The following SPDYE10 variants were observed in gnomAD, a reference collection of about 807,000 sequenced individuals.
The protein encoded by SPDYE10 is speedy/RINGO cell cycle regulator family member E10.
At chr7:73,131,420 C>T in the SPDYE10 span, among the ~76,000 whole-genome samples, 1 of 150,638 alleles carries the variant, frequency 6.6e-6, no homozygotes, top group South Asian at 2.1e-4. Context: ...GTAGTTGAGA[C>T]AGTTCCTGTG....
At chr7:73,129,950 T>TCCTC in the SPDYE10 span, among the ~76,000 whole-genome samples, 3 of 148,896 alleles carry the variant, frequency 2.0e-5, no homozygotes, top group African/African-American at 7.5e-5. Context: ...ACTCAAGCAA[T>TCCTC]CCTCCCACCT....
the SPDYE10 span, among the ~76,000 whole-genome samples, chr7:73,154,074 A>C: frequency 9.1e-5 from 13 of 142,558 alleles, no homozygotes; most frequent in Admixed American, 7.5e-4. Context: ...TCAAAACCAG[A>C]CAGCCATGAA....
chr7:73,122,881 C>T, the SPDYE10 span, among the ~76,000 whole-genome samples: 1 of 151,738 alleles, frequency 6.6e-6, no homozygotes, highest in East Asian at 1.9e-4. Flanking sequence ...CAAGGGACTG[C>T]AAATCTGCTT....
chr7:73,147,274 TCTC>T, the SPDYE10 span, among the ~76,000 whole-genome samples: 1 of 107,012 alleles, frequency 9.3e-6, no homozygotes, highest in Non-Finnish European at 1.8e-5. Flanking sequence ...TTGAGGTGAT[TCTC>T]CTGCCTCAGC....
the SPDYE10 span, among the ~76,000 whole-genome samples, chr7:73,121,058 AC>A: frequency 1.2e-3 from 185 of 151,742 alleles, no homozygotes; most frequent in Admixed American, 2.0e-3. Flanking sequence ...CAGGTGATCC[AC>A]CCGCCTCAGC....
the SPDYE10 span, among the ~76,000 whole-genome samples, chr7:73,117,647 T>C: frequency 7.4e-6 from 1 of 135,128 alleles, no homozygotes; most frequent in South Asian, 2.6e-4. Context: ...GGGAGGACAG[T>C]TTGGAGCACA....
chr7:73,115,029 T>A, the SPDYE10 span, among the ~76,000 whole-genome samples: 2 of 152,096 alleles, frequency 1.3e-5, no homozygotes, highest in African/African-American at 4.8e-5. Flanking sequence ...CCCGAGTAGC[T>A]GGGATTACAG....
the SPDYE10 span, among the ~76,000 whole-genome samples, chr7:73,130,017 CT>C: frequency 3.9e-4 from 56 of 144,780 alleles, no homozygotes; most frequent in Non-Finnish European, 6.8e-4. Flanking sequence ...GCTGCTGCTT[CT>C]TTTTTTTTAG....
At chr7:73,116,983 C>T in the SPDYE10 span, among the ~76,000 whole-genome samples, 5 of 152,066 alleles carry the variant, frequency 3.3e-5, no homozygotes, top group South Asian at 8.3e-4. Flanking sequence ...ATAACCTCCA[C>T]CTCCCAGGTT....
the SPDYE10 span, among the ~76,000 whole-genome samples, chr7:73,139,720 G>A: frequency 2.1e-5 from 3 of 141,164 alleles, no homozygotes; most frequent in East Asian, 2.1e-4. Flanking sequence ...GCAGTGGCGC[G>A]ATCTCGGCTC....
chr7:73,115,222 C>G, the SPDYE10 span, among the ~76,000 whole-genome samples: 1 of 152,152 alleles, frequency 6.6e-6, no homozygotes, highest in Non-Finnish European at 1.5e-5. Flanking sequence ...GTTTGGTCAC[C>G]TGGTGCCTCT....
the SPDYE10 span, among the ~76,000 whole-genome samples, chr7:73,149,846 C>T: frequency 1.8e-5 from 2 of 111,226 alleles, no homozygotes; most frequent in African/African-American, 4.0e-5. Flanking sequence ...GCATTCTTTC[C>T]GAGAGGGCAA....
the SPDYE10 span, chr7:73,154,810 G>A: frequency 9.5e-6 from 2 of 210,144 alleles, no homozygotes; most frequent in Non-Finnish European, 2.0e-5. Flanking sequence ...GGCAGCAACA[G>A]CAGCAACAGC....
chr7:73,134,124 TG>T, the SPDYE10 span, among the ~76,000 whole-genome samples: 1 of 45,678 alleles, frequency 2.2e-5, no homozygotes, highest in Non-Finnish European at 4.0e-5. Context: ...AGCAAAGACT[TG>T]GAACCAACCC....
chr7:73,114,155 C>A, the SPDYE10 span, among the ~76,000 whole-genome samples: 1 of 133,242 alleles, frequency 7.5e-6, no homozygotes, highest in Non-Finnish European at 1.6e-5. Context: ...CGCGCCATCG[C>A]ACTCCAGCCT....
chr7:73,132,733 C>T, the SPDYE10 span, among the ~76,000 whole-genome samples: 10 of 151,448 alleles, frequency 6.6e-5, no homozygotes, highest in East Asian at 1.9e-4. Context: ...TTGAGAGTGG[C>T]GTAAAACACT....
the SPDYE10 span, chr7:73,154,849 C>T: frequency 2.1e-5 from 4 of 189,706 alleles, no homozygotes; most frequent in South Asian, 8.1e-5. Context: ...GGGGGAGCCC[C>T]CCCAGGCGGA....
At chr7:73,155,256 G>GGAC in the SPDYE10 span, 192 of 390,250 alleles carry the variant, frequency 4.9e-4, no homozygotes, top group African/African-American at 4.7e-3. Flanking sequence ...CTGGAGCACC[G>GGAC]GCTGCAAGTT....
chr7:73,137,538 G>A, the SPDYE10 span, among the ~76,000 whole-genome samples: 2 of 135,232 alleles, frequency 1.5e-5, no homozygotes, highest in East Asian at 4.1e-4. Context: ...GAAAGAAAGA[G>A]AGAGAGAAAG....
Sources: allele counts gnomAD v4.1 joint callset (sites outside exome capture counted in the v4.1 genomes callset), GRCh38; gene constraint gnomAD v4.1.1; transcripts MANE v1.5; gene names NCBI Gene and HGNC (gene_info 2026-07-23, HGNC 2026-07-21).